TXNRD1: variants seen among roughly 807,000 people sequenced by gnomAD.
TXNRD1 encodes the protein thioredoxin reductase 1, cytoplasmic.
In TXNRD1, 57 loss-of-function variants were observed where a neutral mutation model predicts 80.3. That is an observed-to-expected ratio of 0.71 (90% CI 0.57 to 0.89). The LOEUF (loss-of-function observed/expected upper bound fraction) is 0.89. TXNRD1 is among the 40% of genes least tolerant of loss of function. TXNRD1 has a pLI of 0.00. For missense variants in TXNRD1, 730 were observed against 803.0 expected (o/e 0.91, Z 1.10); for synonymous variants, 291 against 285.2 (o/e 1.02, Z -0.20).
intron 1 of TXNRD1, among the ~76,000 whole-genome samples, chr12:104,242,086 C>T (rs1354538490): frequency 2.6e-5 from 4 of 151,230 alleles, no homozygotes; most frequent in South Asian, 2.1e-4. Context: ...TACAGGCGCA[C>T]GCCACCACAC....
intron 2 of TXNRD1, among the ~76,000 whole-genome samples, chr12:104,256,050 T>A (rs894648284): frequency 1.3e-5 from 2 of 152,228 alleles, no homozygotes; most frequent in African/African-American, 4.8e-5. Flanking sequence ...GCTGTTCACA[T>A]TTATTTATTT....
At position 104,265,681 on chromosome 12, in the gene TXNRD1, C is replaced by T. The variant is rs540477954; in HGVS notation, c.304+7602C>T. On this transcript the variant is annotated intron_variant, in intron 3 of 16. Coordinates refer to ENST00000525566, the MANE Select transcript of TXNRD1 (RefSeq NM_001093771.3). The stretch of plus-strand genomic sequence containing the variant: ...GCACCGCGCCCGAGCCCACTCCATT[C>T]AGATCATGAAGGTGGAGGAGATCGC... 8.0e-5 allele frequency: 129 copies of T among 1,604,708 alleles called. 1 individual carries two copies. In the African/African-American group the frequency reaches 1.5e-3, roughly 19 times the overall value.
At chr12:104,256,125 A>G (rs1326401333) in intron 2 of TXNRD1, among the ~76,000 whole-genome samples, 1 of 152,162 alleles carries the variant, frequency 6.6e-6, no homozygotes, top group Non-Finnish European at 1.5e-5. Context: ...TAATCATCTC[A>G]TTTAACAACT....
chr12:104,323,952 A>G (rs2035659025), intron 10 of TXNRD1, among the ~76,000 whole-genome samples: 1 of 152,230 alleles, frequency 6.6e-6, no homozygotes, highest in Non-Finnish European at 1.5e-5. Context: ...GCTGGGTATT[A>G]AACTCTTGCT....
At chr12:104,328,485 G>A (rs938072703) in intron 13 of TXNRD1, among the ~76,000 whole-genome samples, 7 of 151,880 alleles carry the variant, frequency 4.6e-5, no homozygotes, top group African/African-American at 7.3e-5. Flanking sequence ...GGCCAGGTGC[G>A]TTGGCTCATG....
intron 1 of TXNRD1, among the ~76,000 whole-genome samples, chr12:104,229,341 T>A (rs2032558281): frequency 6.6e-6 from 1 of 151,604 alleles, no homozygotes; most frequent in South Asian, 2.1e-4. Context: ...AGAGTCAGGG[T>A]TTCACCGTGT....
chr12:104,290,236 A>T (rs1286059605), intron 4 of TXNRD1, among the ~76,000 whole-genome samples: 1 of 152,180 alleles, frequency 6.6e-6, no homozygotes. Context: ...AAAGTATTTT[A>T]TTTATTTTTG....
chr12:104,332,693 G>A (rs1009225399), intron 14 of TXNRD1, among the ~76,000 whole-genome samples: 1 of 138,832 alleles, frequency 7.2e-6, no homozygotes. Flanking sequence ...AGGTTGCAGT[G>A]AGCCAAGATT....
At chr12:104,314,159 G>A (rs1751609927) in intron 6 of TXNRD1, among the ~76,000 whole-genome samples, 1 of 152,166 alleles carries the variant, frequency 6.6e-6, no homozygotes, top group Non-Finnish European at 1.5e-5. Flanking sequence ...GAGGAAGGCA[G>A]GTGTCACTAT....
intron 3 of TXNRD1, chr12:104,265,751 C>G: frequency 1.9e-6 from 3 of 1,596,546 alleles, no homozygotes; most frequent in Non-Finnish European, 2.5e-6. Context: ...TTCCACGACT[C>G]CAAGATCAAG....
At chr12:104,223,465 G>T (rs548540755) in intron 1 of TXNRD1, among the ~76,000 whole-genome samples, 125 of 152,244 alleles carry the variant, frequency 8.2e-4, no homozygotes, top group Non-Finnish European at 1.3e-3. Flanking sequence ...CAAGGAAGAA[G>T]GGGAATAGAA....
intron 4 of TXNRD1, among the ~76,000 whole-genome samples, chr12:104,300,092 G>A (rs540136762): frequency 6.6e-5 from 10 of 152,288 alleles, no homozygotes; most frequent in East Asian, 1.9e-4. Flanking sequence ...TAGTGGACTC[G>A]TGACTTCTTC....
At chr12:104,288,430 C>T (rs894494775) in intron 3 of TXNRD1, among the ~76,000 whole-genome samples, 1 of 152,048 alleles carries the variant, frequency 6.6e-6, no homozygotes, top group Non-Finnish European at 1.5e-5. Context: ...AAGAATGCAC[C>T]AGGTAGGCAG....
At chr12:104,321,454 T>C (rs34615738) in intron 10 of TXNRD1, 138 bp downstream of exon 10, 57,102 of 657,472 alleles carry the variant, frequency 0.087, 3,513 homozygotes, top group East Asian at 0.22. Context: ...TGTATACTGG[T>C]ATATAAACTT....
At chr12:104,327,883 G>T (rs958000918) in intron 13 of TXNRD1, among the ~76,000 whole-genome samples, 2 of 151,462 alleles carry the variant, frequency 1.3e-5, no homozygotes, top group Non-Finnish European at 2.9e-5. Flanking sequence ...ACACTCCGCC[G>T]GGCACAGTGG....
chr12:104,277,584 A>C (rs532181524), intron 3 of TXNRD1, among the ~76,000 whole-genome samples: 2 of 152,216 alleles, frequency 1.3e-5, no homozygotes, highest in Admixed American at 6.5e-5. Context: ...CAAATAAACA[A>C]AAGAAATAAA....
intron 16 of TXNRD1, among the ~76,000 whole-genome samples, chr12:104,347,299 C>T (rs1160532838): frequency 6.6e-6 from 1 of 151,828 alleles, no homozygotes; most frequent in African/African-American, 2.4e-5. Flanking sequence ...GCTTTGTCAC[C>T]CTCTGAGGCT....
chr12:104,245,877 A>T lies in TXNRD1; in HGVS notation c.92-5650A>T, dbSNP rs529535876. On this transcript the variant is annotated intron_variant, in intron 1 of 16. Coordinates refer to ENST00000525566, the MANE Select transcript of TXNRD1 (RefSeq NM_001093771.3). Reference sequence around the variant, plus strand: ...GTAATCCCAGCACTTTGGGAGGCCGAGGCGGGCGTATCACGAGGTCAGGAG... The same window carrying T: ...GTAATCCCAGCACTTTGGGAGGCCGTGGCGGGCGTATCACGAGGTCAGGAG... 1.1e-3 allele frequency among the ~76,000 whole-genome samples: 163 copies of T among 152,128 alleles called. 1 individual carries two copies. Among genetic ancestry groups the T allele is most frequent in the African/African-American group, 3.7e-3 (155 of 41,508 alleles).
intron 1 of TXNRD1, among the ~76,000 whole-genome samples, chr12:104,227,065 G>A (rs1393889861): frequency 3.3e-5 from 5 of 152,126 alleles, no homozygotes. Flanking sequence ...CTACATTCAA[G>A]TACATTTCTG....
Sources: allele counts gnomAD v4.1 joint callset (sites outside exome capture counted in the v4.1 genomes callset), GRCh38; gene constraint gnomAD v4.1.1; transcripts MANE v1.5; gene names NCBI Gene and HGNC (gene_info 2026-07-23, HGNC 2026-07-21).